The following COL3A1 variants were observed in gnomAD, a reference collection of about 807,000 sequenced individuals.
The protein encoded by COL3A1 is collagen alpha-1(III) chain.
Under a neutral mutation model 200.9 loss-of-function variants are expected in COL3A1, and 46 were observed. That is an observed-to-expected ratio of 0.23 (90% confidence interval 0.18 to 0.29). The LOEUF (loss-of-function observed/expected upper bound fraction) is 0.29. Among genes scored for constraint, COL3A1 ranks in the 10% least tolerant of loss-of-function variants. The probability of loss-of-function intolerance (pLI) is 1.00; values close to 1 mark genes in which losing one functional copy is unlikely to be tolerated. For missense variants in COL3A1, 1,367 were observed against 1,917.6 expected (o/e 0.71, Z 5.36); for synonymous variants, 650 against 628.0 (o/e 1.03, Z -0.52).
Position 188,992,095 on chromosome 2 carries a change from C to G in COL3A1, c.952-89C>G, listed in dbSNP as rs1306125095. The G allele has an allele frequency of 3.9e-6, 5 of 1,269,726 alleles. No homozygotes were observed. The African/African-American group carries it at 7.3e-5, about 19-fold the overall frequency. The allele number at this position is 1,269,726 out of a possible 1,614,324, so 78.7% of individuals were successfully genotyped here. Reference sequence around the variant, plus strand: ...TTTAATGTACTTGAAGAAAACTCAACTCACTTGAGTCAGAATTTTGGTCAA... The same window carrying G: ...TTTAATGTACTTGAAGAAAACTCAAGTCACTTGAGTCAGAATTTTGGTCAA... On this transcript the variant is annotated intron_variant, in intron 13 of 50. Transcript: ENST00000304636.
chr2:188,979,077 T>C (rs1473293703), intron 1 of COL3A1, among the ~76,000 whole-genome samples: 1 of 151,836 alleles, frequency 6.6e-6, no homozygotes, highest in Non-Finnish European at 1.5e-5. Context: ...AGAGGACGAG[T>C]CAAAATGCCC....
chr2:189,009,019 G>T lies in COL3A1; in HGVS notation c.3621G>T (p.Gly1207=). 6.2e-7 allele frequency: 1 copy of T among 1,614,186 alleles called. No homozygotes were observed. ...GTGTTGGAGCCGCTGCCATTGCTGG[G>T]ATTGGAGGTGAAAAAGCTGGCGGTT... The part of the protein sequence containing the change: ...CGGVGAAAIA[G]IGGEKAGGFA... Residue 1207 remains glycine (G), a synonymous_variant, in exon 48 of 51, where the codon GGG becomes GGT. Transcript: ENST00000304636.
chr2:188,996,915 G>T (rs1688335337), intron 24 of COL3A1, among the ~76,000 whole-genome samples: 1 of 152,048 alleles, frequency 6.6e-6, no homozygotes, highest in Non-Finnish European at 1.5e-5. Flanking sequence ...CTAGAACCCG[G>T]GGGGCAGAGG....
At chr2:189,002,814 A>G (rs1688496501) in intron 35 of COL3A1, 141 bp from the exon 36 acceptor site, 1 of 717,980 alleles carries the variant, frequency 1.4e-6, no homozygotes, top group Non-Finnish European at 2.5e-6. Flanking sequence ...TCATTTTGTC[A>G]TGTCTTCAGA....
intron 7 of COL3A1, 52 bp from the exon 8 acceptor site, chr2:188,989,344 T>C (rs889112083): frequency 6.6e-6 from 9 of 1,370,580 alleles, no homozygotes; most frequent in African/African-American, 1.4e-5. Flanking sequence ...TAATAATAAA[T>C]TGTAACAGAA....
intron 31 of COL3A1, 122 bp from the exon 32 acceptor site, chr2:188,999,720 A>G (rs1022405949): frequency 1.5e-6 from 2 of 1,362,722 alleles, no homozygotes; most frequent in African/African-American, 2.9e-5. Context: ...ATGGATTCCT[A>G]AAGCAACAAT....
At chr2:189,007,029 C>CT (rs1209474930) in intron 44 of COL3A1, 39 bp downstream of exon 44, 8 of 1,539,748 alleles carry the variant, frequency 5.2e-6, no homozygotes, top group African/African-American at 1.5e-5. Flanking sequence ...TTGTTTTGTT[C>CT]TTTTTTTAAC....
intron 1 of COL3A1, among the ~76,000 whole-genome samples, chr2:188,984,348 G>A (rs1688019338): frequency 1.3e-5 from 2 of 151,996 alleles, no homozygotes; most frequent in South Asian, 4.1e-4. Flanking sequence ...TTCAGAGTTA[G>A]TGACAAAATC....
intron 47 of COL3A1, chr2:189,008,424 C>CACTAGAGATCTCAGAATT: frequency 2.1e-6 from 1 of 478,132 alleles, no homozygotes; most frequent in Non-Finnish European, 3.8e-6. Context: ...ATTGCTATCC[C>CACTAGAGATCTCAGAATT]ACTAGAGATC....
At position 188,985,203 on chromosome 2, in the gene COL3A1, C is replaced by G. The variant is rs768671254; in HGVS notation, c.289C>G (p.Arg97Gly). The stretch of plus-strand genomic sequence containing the variant: ...TTTCTTTTCCATTTATTAGCCTACT[C>G]GCCCTCCTAATGGTCAAGGACCTCA... ...VCPQPPTAPTRPPNGQGPQGP... is the reference protein window; with the variant it reads ...VCPQPPTAPTGPPNGQGPQGP... The change falls in exon 3 of 51, where the codon CGC becomes GGC. Residue 97 changes from arginine (R) to glycine (G), a missense_variant. This residue lies in a region of COL3A1 where 462 missense variants were observed against 681.4 expected (regional missense o/e 0.68). Coordinates refer to ENST00000304636, the MANE Select transcript of COL3A1 (RefSeq NM_000090.4). 6.2e-7 allele frequency: 1 copy of G among 1,612,204 alleles called. No homozygotes were observed. The highest frequency in any genetic ancestry group is 8.5e-7 in the Non-Finnish European group (1 of 1,178,688).
Position 188,988,061 on chromosome 2 carries a change from C to T in COL3A1, c.529-20C>T. The T allele has an allele frequency of 6.3e-7, 1 of 1,592,414 alleles. No homozygotes were observed. The highest frequency in any genetic ancestry group is 8.6e-7 in the Non-Finnish European group (1 of 1,160,618). On this transcript the variant is annotated intron_variant, in intron 5 of 50. Transcript: ENST00000304636. ...TTTTGCATTCATTTATTTTGTTTTT[C>T]ATTCAAATTCACATTCCAGGGCCCC...
In COL3A1 at chr2:188,990,161, G is replaced by A. The variant is rs749885163; in HGVS notation, c.744+12G>A. The A allele has an allele frequency of 2.5e-6, 4 of 1,613,080 alleles. No homozygotes were observed. The Admixed American group carries it at 6.7e-5, about 27-fold the overall frequency. On this transcript the variant is annotated intron_variant, in intron 9 of 50. Coordinates refer to ENST00000304636, the MANE Select transcript of COL3A1 (RefSeq NM_000090.4). ...TGCCTGGACCTCCAGTGAGTCTTCAGCATCTAATAAATTAATTGGAATAAT... is the reference window on the plus strand; with the variant it reads ...TGCCTGGACCTCCAGTGAGTCTTCAACATCTAATAAATTAATTGGAATAAT...
Position 188,995,732 on chromosome 2 carries a change from C to T in COL3A1, c.1550C>T (p.Pro517Leu), listed in dbSNP as rs142085247. The T allele has an allele frequency of 1.7e-4, 272 of 1,565,876 alleles. 1 individual carries two copies. The African/African-American group carries it at 2.6e-3, about 15-fold the overall frequency. ...GERGAPGPAG[P>L]RGAAGEPGRD... ...CGTGGTGCTCCAGGCCCTGCAGGGC[C>T]CAGAGGAGCTGCTGGAGAACCTGGC... Residue 517 changes from proline (P) to leucine (L), a missense_variant, in exon 22 of 51, where the codon CCC becomes CTC. This residue lies in a region of COL3A1 where 462 missense variants were observed against 681.4 expected (regional missense o/e 0.68). Transcript: ENST00000304636.
Position 189,007,010 on chromosome 2 carries a change from G to A in COL3A1, c.3255+20G>A. The A allele has an allele frequency of 1.3e-6, 2 of 1,598,594 alleles. No homozygotes were observed. Among genetic ancestry groups the A allele is most frequent in the Non-Finnish European group, 1.7e-6 (2 of 1,174,196 alleles). On this transcript the variant is annotated intron_variant, in intron 44 of 50. Transcript: ENST00000304636. Reference sequence around the variant, plus strand: ...GCTCCTGTAAGTTTTGTCATTTTTTGGTTTTATTTTGTTTTGTTCTTTTTT... The same window carrying A: ...GCTCCTGTAAGTTTTGTCATTTTTTAGTTTTATTTTGTTTTGTTCTTTTTT...
At chr2:188,990,215 A>T in intron 9 of COL3A1, 66 bp downstream of exon 9, 1 of 1,587,128 alleles carries the variant, frequency 6.3e-7, no homozygotes, top group Non-Finnish European at 8.6e-7. Context: ...ATGTAATTCA[A>T]TGGAATTAAA....
In COL3A1 at chr2:188,994,564, C is replaced by T; in HGVS notation, c.1317C>T (p.Ala439=). 1 of 1,614,008 alleles carries T rather than the reference C, an allele frequency of 6.2e-7. No homozygotes were observed. Among genetic ancestry groups the T allele is most frequent in the Non-Finnish European group, 8.5e-7 (1 of 1,180,008 alleles). The part of the protein sequence containing the change: ...GGAGEPGKNG[A]KGEPGPRGER... Reference sequence around the variant, plus strand: ...AGGGTGAGCCTGGTAAGAATGGTGCCAAAGGAGAGCCCGGACCACGTGGTG... The same window carrying T: ...AGGGTGAGCCTGGTAAGAATGGTGCTAAAGGAGAGCCCGGACCACGTGGTG... Residue 439 remains alanine, a synonymous_variant, in exon 19 of 51, where the codon GCC becomes GCT. Transcript: ENST00000304636. This position sits in a 1 kb window ranked among gnomAD's most constrained non-coding sequence, Gnocchi z 4.5.
intron 15 of COL3A1, among the ~76,000 whole-genome samples, 154 bp from the exon 16 acceptor site, chr2:188,993,207 C>G (rs1319382288): frequency 6.6e-6 from 1 of 152,114 alleles, no homozygotes; most frequent in East Asian, 1.9e-4. Flanking sequence ...ACATTTTTCT[C>G]TGCCTTTACG....
At position 189,008,879 on chromosome 2, in the gene COL3A1, G is replaced by A. The variant is rs143236592; in HGVS notation, c.3526-45G>A. On this transcript the variant is annotated intron_variant, in intron 47 of 50. Transcript: ENST00000304636. ...ACTAGCAATGTATTCTTAGAGTGGC[G>A]ACTGAATGTGCATACCTCAATGATC... 1.1e-5 allele frequency: 17 copies of A among 1,582,800 alleles called. No homozygotes were observed. The East Asian group carries it at 1.8e-4, about 17-fold the overall frequency.
At chr2:188,987,435 G>T (rs1342430399) in intron 5 of COL3A1, among the ~76,000 whole-genome samples, 1 of 151,116 alleles carries the variant, frequency 6.6e-6, no homozygotes, top group Admixed American at 6.6e-5. Context: ...ACAAACTATT[G>T]TTTTATAAAT....
Sources: gnomAD v4.1 joint callset for allele counts (sites outside exome capture counted in the v4.1 genomes callset) on GRCh38, gnomAD v4.1.1 for gene constraint, gnomAD v4.1.1 regional missense constraint, Gnocchi (gnomAD v3.1) non-coding constraint, MANE v1.5 for transcripts, NCBI Gene and HGNC (gene_info 2026-07-23, HGNC 2026-07-21) for gene names.